The following PGM2 variants were observed in gnomAD, a reference collection of about 807,000 sequenced individuals.
The protein encoded by PGM2 is phosphoglucomutase 2, also known as phosphopentomutase.
A neutral mutation model predicts 74.6 loss-of-function variants in PGM2; 57 were observed. That is an observed-to-expected ratio of 0.76 (90% CI 0.62 to 0.95). PGM2 has a LOEUF of 0.95. PGM2 is among the 40% of genes least tolerant of loss of function. The pLI is 0.00. For missense variants in PGM2, 706 were observed against 741.9 expected (o/e 0.95, Z 0.56); for synonymous variants, 273 against 260.7 (o/e 1.05, Z -0.46).
chr4:37,860,496 C>A (rs1250012543), intron 13 of PGM2, among the ~76,000 whole-genome samples: 1 of 152,180 alleles, frequency 6.6e-6, no homozygotes, highest in African/African-American at 2.4e-5. Flanking sequence ...AAGCCACTTG[C>A]CCAAGGGCAC....
intron 12 of PGM2, among the ~76,000 whole-genome samples, chr4:37,854,496 A>C (rs1327204538): frequency 1.3e-5 from 2 of 151,906 alleles, no homozygotes; most frequent in African/African-American, 4.8e-5. Flanking sequence ...GATTACAGGC[A>C]CCCGCCACCA....
At chr4:37,844,627 T>C (rs1325454857) in intron 7 of PGM2, 74 bp downstream of exon 7, 2 of 936,108 alleles carry the variant, frequency 2.1e-6, no homozygotes, top group African/African-American at 3.3e-5. Context: ...AAAATACATT[T>C]TTATGTGTTT....
At chr4:37,845,313 A>T (rs569590917) in intron 7 of PGM2, among the ~76,000 whole-genome samples, 1 of 152,214 alleles carries the variant, frequency 6.6e-6, no homozygotes, top group Non-Finnish European at 1.5e-5. Flanking sequence ...TGTGAGGCTG[A>T]TCACACAGCA....
intron 13 of PGM2, among the ~76,000 whole-genome samples, chr4:37,856,859 A>G (rs1711531026): frequency 6.6e-6 from 1 of 152,180 alleles, no homozygotes; most frequent in South Asian, 2.1e-4. Flanking sequence ...TAATTTCAAT[A>G]ATGTATTTTA....
At chr4:37,843,994 A>G (rs1374625941) in intron 6 of PGM2, among the ~76,000 whole-genome samples, 1 of 151,840 alleles carries the variant, frequency 6.6e-6, no homozygotes, top group Non-Finnish European at 1.5e-5. Flanking sequence ...CGCTTTGGGG[A>G]TGTGTGGGTG....
At chr4:37,851,222 C>T (rs1452576725) in intron 12 of PGM2, among the ~76,000 whole-genome samples, 2 of 152,180 alleles carry the variant, frequency 1.3e-5, no homozygotes, top group Non-Finnish European at 2.9e-5. Context: ...AAACAGAGTG[C>T]TGGAGCCCAC....
intron 12 of PGM2, among the ~76,000 whole-genome samples, chr4:37,852,976 A>AT (rs1726094819): frequency 6.6e-6 from 1 of 152,064 alleles, no homozygotes; most frequent in Non-Finnish European, 1.5e-5. Flanking sequence ...CCTCCCCTGC[A>AT]TTTTCAGTTC....
intron 11 of PGM2, 144 bp from the exon 12 acceptor site, chr4:37,850,040 G>C (rs1430523507): frequency 3.8e-6 from 2 of 522,816 alleles, no homozygotes; most frequent in Admixed American, 8.5e-5. Flanking sequence ...TGCCCGCCTC[G>C]GCCTCACAAA....
chr4:37,839,431 A>G, intron 4 of PGM2: 1 of 392,476 alleles, frequency 2.5e-6, no homozygotes, highest in Non-Finnish European at 5.0e-6. Flanking sequence ...TGTTTTCCTC[A>G]ATGTTTTCCT....
chr4:37,844,365 A>G lies in PGM2; in HGVS notation c.721A>G (p.Ser241Gly), dbSNP rs1321678595. 6.2e-7 allele frequency: 1 copy of G among 1,602,082 alleles called. No homozygotes were observed. The highest frequency in any genetic ancestry group is 2.2e-5 in the East Asian group (1 of 44,724). The change falls in exon 7 of 14, where the codon AGC (serine) becomes GGC (glycine). Residue 241 changes from serine to glycine, a missense_variant and splice_region_variant. Physicochemically the swap from Ser to Gly is moderately conservative, Grantham distance 56. Coordinates refer to ENST00000381967, the MANE Select transcript of PGM2 (RefSeq NM_018290.4). ...TTTCCACTGTGTATCTGATTCTAGG[A>G]GCGTGAACAGGGAGACAAAGGTGAA... ...EDLKKYCFHRSVNRETKVKFV... is the reference protein window; with the variant it reads ...EDLKKYCFHRGVNRETKVKFV...
chr4:37,832,246 A>T (rs1725460237), intron 2 of PGM2, among the ~76,000 whole-genome samples: 1 of 152,248 alleles, frequency 6.6e-6, no homozygotes, highest in Non-Finnish European at 1.5e-5. Flanking sequence ...AGAAAGTTTT[A>T]TCTGAGCAGC....
rs899083731 is a variant in PGM2 at position 37,845,866 on chromosome 4, T to C, written c.1007+136T>C. 1.9e-5 allele frequency: 12 copies of C among 628,716 alleles called. No individual in the cohort carries two copies. In the African/African-American group the frequency reaches 2.0e-4, roughly 11 times the overall value. The allele number at this position is 628,716 out of a possible 1,614,324, so 38.9% of individuals were successfully genotyped here. The stretch of plus-strand genomic sequence containing the variant: ...TTGCAAATGATCATTTCACTGAACC[T>C]CCTGTAGAGTCTTCTAATGGAGAGC... On this transcript the variant is annotated intron_variant, in intron 8 of 13. Transcript: ENST00000381967.
intron 12 of PGM2, among the ~76,000 whole-genome samples, chr4:37,851,316 C>A (rs1370191031): frequency 6.6e-6 from 1 of 152,234 alleles, no homozygotes; most frequent in Non-Finnish European, 1.5e-5. Context: ...ACTGATGCAA[C>A]TGGTCCTCAC....
intron 8 of PGM2, 38 bp from the exon 9 acceptor site, chr4:37,846,892 TG>T (rs1725887887): frequency 5.3e-6 from 8 of 1,514,808 alleles, no homozygotes; most frequent in Non-Finnish European, 7.2e-6. Context: ...CTTAAGATTA[TG>T]GAAATGAATG....
chr4:37,842,008 C>T (rs1400852196), intron 6 of PGM2, among the ~76,000 whole-genome samples: 1 of 152,204 alleles, frequency 6.6e-6, no homozygotes, highest in Admixed American at 6.5e-5. Flanking sequence ...ATGATACCTA[C>T]ATTTCCTCCT....
intron 12 of PGM2, among the ~76,000 whole-genome samples, chr4:37,852,022 G>A (rs1726054857): frequency 1.4e-5 from 2 of 140,414 alleles, no homozygotes; most frequent in African/African-American, 2.6e-5. Flanking sequence ...TTAGGCTGGA[G>A]TGAATGGCAT....
chr4:37,844,137 CAA>C (rs1453399504), intron 6 of PGM2, among the ~76,000 whole-genome samples: 6 of 152,038 alleles, frequency 3.9e-5, no homozygotes, highest in East Asian at 1.9e-4. Flanking sequence ...ATGCATAAAA[CAA>C]AACCTGAAAT....
chr4:37,828,697 A>G lies in PGM2; in HGVS notation c.82-1267A>G, dbSNP rs114598741. Among the ~76,000 whole-genome samples the G allele has an allele frequency of 2.4e-3, 359 of 151,658 alleles. 1 individual carries two copies. Among genetic ancestry groups the G allele is most frequent in the African/African-American group, 8.5e-3 (349 of 41,246 alleles). On this transcript the variant is annotated intron_variant, in intron 1 of 13. Transcript: ENST00000381967. ...TCATAGATATCAAAGACCAATTAAG[A>G]TTTTCCAGACCTACACTATGAACAA... is the stretch of plus-strand genomic sequence containing the variant.
At chr4:37,847,174 G>A (rs750319699) in intron 9 of PGM2, 28 bp from the exon 10 acceptor site, 1 of 1,602,056 alleles carries the variant, frequency 6.2e-7, no homozygotes, top group Non-Finnish European at 8.6e-7. Context: ...TCTAAGGCAT[G>A]TCTTTCTCTT....
Sources: allele counts gnomAD v4.1 joint callset (sites outside exome capture counted in the v4.1 genomes callset), GRCh38; gene constraint gnomAD v4.1.1; transcripts MANE v1.5; gene names NCBI Gene and HGNC (gene_info 2026-07-23, HGNC 2026-07-21).